The following SLC22A9 variants were observed in gnomAD, a reference collection of about 807,000 sequenced individuals.
SLC22A9 encodes solute carrier family 22 member 9, also known as organic anion transporter 7.
A neutral mutation model predicts 50.1 loss-of-function variants in SLC22A9; 64 were observed. The ratio of observed to expected loss-of-function variants is 1.28; its 90% CI spans 1.04 to 1.57. The LOEUF (loss-of-function observed/expected upper bound fraction) is 1.57, where lower values mean the gene tolerates loss of function less well. Ranked by LOEUF, SLC22A9 falls within the 40% of genes most tolerant of loss-of-function variation. SLC22A9 has a pLI of 0.00. For synonymous variants in SLC22A9, 261 were observed against 242.5 expected (o/e 1.08, Z -0.71); for missense variants, 757 against 676.1 (o/e 1.12, Z -1.33).
chr11:63,396,519 G>A (rs2014860433), intron 6 of SLC22A9, among the ~76,000 whole-genome samples: 1 of 152,156 alleles, frequency 6.6e-6, no homozygotes, highest in Admixed American at 6.5e-5. Flanking sequence ...TACTTCTGCA[G>A]TTTGGGCACT....
rs191007021 is a variant in SLC22A9, at chr11:63,408,866, G to C, written c.1588G>C (p.Asp530His). 13 of 1,613,858 alleles carry C rather than the reference G, an allele frequency of 8.1e-6. No homozygotes were observed. Among genetic ancestry groups the C allele is most frequent in the Middle Eastern group, 1.7e-4 (1 of 6,050 alleles). The change falls in exon 9 of 10, where the codon GAT (aspartate) becomes CAT (histidine). Residue 530 changes from aspartate (D) to histidine (H), a missense_variant. Asp to His is a moderately conservative substitution (Grantham distance 81). Transcript: ENST00000279178. ...RNKPLFDTIQ[D>H]EKNERKDPRE... ...CAAGCCTCTGTTTGACACCATCCAG[G>C]ATGAGAAAAATGAGTGAGTAAATAG... is the stretch of plus-strand genomic sequence containing the variant.
chr11:63,370,585 A>T, intron 1 of SLC22A9, 127 bp downstream of exon 1: 5 of 1,090,484 alleles, frequency 4.6e-6, no homozygotes, highest in South Asian at 2.1e-5. Flanking sequence ...GCAAATACTA[A>T]TTGCTTCTTT....
intron 6 of SLC22A9, among the ~76,000 whole-genome samples, chr11:63,397,616 C>T (rs886590320): frequency 1.4e-4 from 22 of 152,126 alleles, no homozygotes; most frequent in Middle Eastern, 3.4e-3. Flanking sequence ...TTCCATTCTT[C>T]CCACCCTTTT....
intron 6 of SLC22A9, among the ~76,000 whole-genome samples, chr11:63,401,001 C>T (rs2014943045): frequency 6.6e-6 from 1 of 151,792 alleles, no homozygotes; most frequent in African/African-American, 2.4e-5. Context: ...AGGAAAATAC[C>T]TCAAAACAAT....
At chr11:63,406,082 A>T (rs1565190451) in intron 6 of SLC22A9, among the ~76,000 whole-genome samples, 1 of 152,190 alleles carries the variant, frequency 6.6e-6, no homozygotes, top group Non-Finnish European at 1.5e-5. Context: ...GGAAGGTGGC[A>T]GCATTTTCAA....
chr11:63,404,494 T>C (rs1384391374), intron 6 of SLC22A9, among the ~76,000 whole-genome samples: 2 of 152,160 alleles, frequency 1.3e-5, no homozygotes, highest in Non-Finnish European at 2.9e-5. Flanking sequence ...CGATGGGGTT[T>C]TCTAGGTAAA....
At position 63,382,192 on chromosome 11, in the gene SLC22A9, G is replaced by A. The variant is rs745583637; in HGVS notation, c.988G>A (p.Ala330Thr). 1.6e-5 allele frequency: 26 copies of A among 1,605,290 alleles called. 1 individual carries two copies. Among genetic ancestry groups the A allele is most frequent in the Middle Eastern group, 3.3e-4 (2 of 6,030 alleles). The change falls in exon 6 of 10, where the codon GCA becomes ACA. Residue 330 changes from alanine to threonine, a missense_variant. Ala to Thr is a moderately conservative substitution (Grantham distance 58). Transcript: ENST00000279178. ...LKSTMKKELE[A>T]AQKKKPSLCE... is the part of the protein sequence containing the mutation. ...ATCCACCATGAAAAAAGAACTGGAG[G>A]CAGCACAAAAAAAAAAACCTTCTCT... is the stretch of plus-strand genomic sequence containing the variant.
chr11:63,402,763 A>G (rs546149942), intron 6 of SLC22A9, among the ~76,000 whole-genome samples: 13 of 152,212 alleles, frequency 8.5e-5, no homozygotes, highest in Non-Finnish European at 1.3e-4. Context: ...CTGACATTAA[A>G]TCTTGCACTT....
At chr11:63,376,334 C>T (rs982844816) in intron 5 of SLC22A9, among the ~76,000 whole-genome samples, 4 of 152,028 alleles carry the variant, frequency 2.6e-5, no homozygotes, top group African/African-American at 9.7e-5. Flanking sequence ...CTATAAGTTC[C>T]TAAAGCATGA....
At chr11:63,375,549 A>G (rs2014444643) in intron 4 of SLC22A9, 96 bp from the exon 5 acceptor site, 1 of 1,506,682 alleles carries the variant, frequency 6.6e-7, no homozygotes, top group African/African-American at 1.4e-5. Flanking sequence ...CAAGTGGTGG[A>G]TATTAGCTTG....
At chr11:63,396,064 C>G (rs770306725) in intron 6 of SLC22A9, among the ~76,000 whole-genome samples, 9 of 152,168 alleles carry the variant, frequency 5.9e-5, no homozygotes, top group Non-Finnish European at 1.2e-4. Flanking sequence ...GTCCCACTAA[C>G]AGCACCGAGT....
chr11:63,399,144 G>A (rs1246999582), intron 6 of SLC22A9, among the ~76,000 whole-genome samples: 1 of 152,086 alleles, frequency 6.6e-6, no homozygotes, highest in African/African-American at 2.4e-5. Context: ...AAGGTATATA[G>A]AGGACTTACA....
intron 6 of SLC22A9, 75 bp downstream of exon 6, chr11:63,382,352 A>G: frequency 1.9e-6 from 2 of 1,035,766 alleles, no homozygotes; most frequent in East Asian, 2.5e-5. Flanking sequence ...CAAGTAGTAC[A>G]GCATGTTTAG....
At position 63,374,045 on chromosome 11, in the gene SLC22A9, G is replaced by A; in HGVS notation, c.813G>A (p.Val271=). The A allele has an allele frequency of 6.2e-7, 1 of 1,609,766 alleles. No individual in the cohort carries two copies. Among genetic ancestry groups the A allele is most frequent in the South Asian group, 1.1e-5 (1 of 90,118 alleles). Residue 271 remains valine (V), a synonymous_variant, in exon 4 of 10, where the codon GTG becomes GTA. Transcript: ENST00000279178. ...LQLVVSVPYF[V]IFLTSSWLLE... is the part of the protein sequence containing the mutation. ...TGGTGGTGTCTGTACCATACTTTGT[G>A]ATCTTTCTGACCTCAAGGTATGAGT... is the stretch of plus-strand genomic sequence containing the variant.
chr11:63,373,514 T>C (rs936912443), intron 2 of SLC22A9, 130 bp from the exon 3 acceptor site: 1 of 865,076 alleles, frequency 1.2e-6, no homozygotes, highest in Non-Finnish European at 1.7e-6. Flanking sequence ...TGATTACTGA[T>C]TCTTTAAGGC....
chr11:63,370,477 G>T lies in SLC22A9; in HGVS notation c.402+19G>T, dbSNP rs200416202. On this transcript the variant is annotated intron_variant, in intron 1 of 9. Coordinates refer to ENST00000279178, the MANE Select transcript of SLC22A9 (RefSeq NM_080866.3). ...GACTGAGGTAAGAGGCTCTGTTCTC[G>T]TCTCATGAGTATGTGACCTGGGTGT... The T allele has an allele frequency of 6.5e-7, 1 of 1,544,724 alleles. No individual in the cohort carries two copies. Among genetic ancestry groups the T allele is most frequent in the African/African-American group, 1.4e-5 (1 of 72,464 alleles).
intron 9 of SLC22A9, 51 bp downstream of exon 9, chr11:63,408,930 G>A (rs781293057): frequency 1.3e-6 from 2 of 1,593,580 alleles, no homozygotes; most frequent in South Asian, 1.1e-5. Flanking sequence ...CTATAGGTCT[G>A]TGCTGAGGAA....
At chr11:63,396,983 CTGAGTT>C (rs1219465031) in intron 6 of SLC22A9, among the ~76,000 whole-genome samples, 1 of 152,156 alleles carries the variant, frequency 6.6e-6, no homozygotes, top group African/African-American at 2.4e-5. Flanking sequence ...TCTTCACAGT[CTGAGTT>C]TGTTTGTACA....
chr11:63,407,973 T>C (rs371856368), intron 7 of SLC22A9, 139 bp from the exon 8 acceptor site: 6 of 602,608 alleles, frequency 1.0e-5, no homozygotes, highest in Non-Finnish European at 1.7e-5. Context: ...CACTGCACAT[T>C]CTTTGCCTCT....
Sources: allele counts gnomAD v4.1 joint callset (sites outside exome capture counted in the v4.1 genomes callset), GRCh38; gene constraint gnomAD v4.1.1; transcripts MANE v1.5; gene names NCBI Gene and HGNC (gene_info 2026-07-23, HGNC 2026-07-21).